DGKI: variants seen among roughly 807,000 people sequenced by gnomAD.
The protein encoded by DGKI is diacylglycerol kinase iota.
Under a neutral mutation model 147.5 loss-of-function variants are expected in DGKI, and 55 were observed. That is an observed-to-expected ratio of 0.37 (90% CI 0.30 to 0.47). The LOEUF is 0.47. DGKI is among the 20% of genes least tolerant of loss of function. The pLI is 1.00. For synonymous variants in DGKI, 469 were observed against 477.1 expected, an observed-to-expected ratio of 0.98 and a Z score of 0.22; for missense variants, 1,007 against 1,323.8, an observed-to-expected ratio of 0.76 and a Z score of 3.71.
At chr7:137,547,763 G>A (rs1355954799) in intron 20 of DGKI, among the ~76,000 whole-genome samples, 1 of 152,124 alleles carries the variant, frequency 6.6e-6, no homozygotes. Context: ...TTTAGTAAGT[G>A]GTGTAATGGA....
At chr7:137,483,146 G>A (rs573740764) in intron 23 of DGKI, among the ~76,000 whole-genome samples, 35 of 152,054 alleles carry the variant, frequency 2.3e-4, no homozygotes, top group African/African-American at 3.6e-4. Context: ...TTATCCATCC[G>A]TTGATCTCCA....
At position 137,782,441 on chromosome 7, in the gene DGKI, G is replaced by A. The variant is rs200961510; in HGVS notation, c.401+64021C>T. On this transcript the variant is annotated intron_variant, in intron 1 of 32. Coordinates refer to ENST00000614521, the MANE Select transcript of DGKI (RefSeq NM_001321708.2). Reference sequence around the variant, plus strand: ...CCCCATCCCCCACAGCAGCCACAGGGAGCCCTGCCCAAGGAGAGGCTGAGC... The same window carrying A: ...CCCCATCCCCCACAGCAGCCACAGGAAGCCCTGCCCAAGGAGAGGCTGAGC... 5.3e-5 allele frequency among the ~76,000 whole-genome samples: 8 copies of A among 152,220 alleles called. No homozygotes were observed. The East Asian group carries it at 1.5e-3, about 29-fold the overall frequency.
intron 1 of DGKI, among the ~76,000 whole-genome samples, chr7:137,761,098 T>G (rs1795843998): frequency 6.6e-6 from 1 of 152,192 alleles, no homozygotes; most frequent in Admixed American, 6.5e-5. Flanking sequence ...AACTCACCTT[T>G]TTGGAAAGTC....
chr7:137,480,979 C>G (rs1815352049), intron 23 of DGKI, among the ~76,000 whole-genome samples: 2 of 152,128 alleles, frequency 1.3e-5, no homozygotes, highest in South Asian at 4.1e-4. Context: ...TTCCTCTTCT[C>G]TCTTTCTCCT....
Position 137,381,307 on chromosome 7 carries a change from C to G in DGKI, c.*9913G>C, listed in dbSNP as rs1425308248. ...CATCCCACCCCCCCCCCCCCACCCACCCTCCCTCCACTTCGTATTATCTGA... is the reference window on the plus strand; with the variant it reads ...CATCCCACCCCCCCCCCCCCACCCAGCCTCCCTCCACTTCGTATTATCTGA... On this transcript the variant is annotated 3_prime_UTR_variant, in exon 33 of 33. Transcript: ENST00000614521. The G allele has an allele frequency of 1.7e-5, 2 of 120,740 alleles. No homozygotes were observed. The highest frequency in any genetic ancestry group is 3.4e-5 in the Non-Finnish European group (2 of 58,436). The allele number at this position is 120,740 out of a possible 1,614,324, so 7.5% of individuals were successfully genotyped here. A position where few individuals can be genotyped will look rare whatever the true frequency, so the allele number is the denominator to read the frequency against.
At chr7:137,795,620 G>A (rs1043477392) in intron 1 of DGKI, among the ~76,000 whole-genome samples, 60 of 152,164 alleles carry the variant, frequency 3.9e-4, no homozygotes, top group African/African-American at 1.3e-3. Context: ...GGGAGCTTTG[G>A]AAAGTTCTGA....
chr7:137,840,474 T>G (rs1275400970), intron 1 of DGKI, among the ~76,000 whole-genome samples: 2 of 152,224 alleles, frequency 1.3e-5, no homozygotes, highest in East Asian at 3.8e-4. Flanking sequence ...AAATCAATGC[T>G]GCCCCTTGGA....
intron 19 of DGKI, among the ~76,000 whole-genome samples, chr7:137,553,530 T>C (rs1450249933): frequency 6.6e-6 from 1 of 150,794 alleles, no homozygotes; most frequent in East Asian, 1.9e-4. Context: ...GCAACACATT[T>C]GTATAACCTC....
intron 10 of DGKI, among the ~76,000 whole-genome samples, chr7:137,606,473 C>T (rs973307557): frequency 1.3e-5 from 2 of 152,040 alleles, no homozygotes; most frequent in Non-Finnish European, 2.9e-5. Context: ...CACAGTAAGC[C>T]CCTGCTAACC....
At chr7:137,597,813 T>A (rs73152505) in intron 12 of DGKI, 34 bp downstream of exon 12, 58 of 1,599,320 alleles carry the variant, frequency 3.6e-5, no homozygotes, top group Non-Finnish European at 5.0e-5. Flanking sequence ...AAGATAGAAT[T>A]GGCAGAGAAC....
intron 9 of DGKI, 25 bp from the exon 10 acceptor site, chr7:137,609,089 A>G: frequency 6.3e-7 from 1 of 1,587,906 alleles, no homozygotes; most frequent in Non-Finnish European, 8.6e-7. Flanking sequence ...CAGCACTGTT[A>G]GGATACACAT....
At chr7:137,515,666 C>G (rs1286876119) in intron 21 of DGKI, among the ~76,000 whole-genome samples, 2 of 151,978 alleles carry the variant, frequency 1.3e-5, no homozygotes, top group Non-Finnish European at 2.9e-5. Flanking sequence ...AAAATGTCAG[C>G]CCCTTAGACT....
chr7:137,386,660 T>G lies in DGKI; in HGVS notation c.*4560A>C, dbSNP rs1811185187. 1 of 151,980 alleles carries G rather than the reference T, an allele frequency of 6.6e-6. No homozygotes were observed. The highest frequency in any genetic ancestry group is 6.6e-5 in the Admixed American group (1 of 15,226). The allele number at this position is 151,980 out of a possible 1,614,324, so 9.4% of individuals were successfully genotyped here. On this transcript the variant is annotated 3_prime_UTR_variant, in exon 33 of 33. Coordinates refer to ENST00000614521, the MANE Select transcript of DGKI (RefSeq NM_001321708.2). ...CAGGACTGCCGCTATGGCCCAAAAC[T>G]TAGAGAGACAAGAGATAATGGATGA...
chr7:137,570,732 C>T (rs1473552906), intron 19 of DGKI, among the ~76,000 whole-genome samples: 1 of 151,974 alleles, frequency 6.6e-6, no homozygotes, highest in Non-Finnish European at 1.5e-5. Flanking sequence ...GCTGGAATTA[C>T]AGGCAGCACA....
At chr7:137,554,914 CTTTTTTTTTTT>C (rs757320303) in intron 19 of DGKI, among the ~76,000 whole-genome samples, 12 of 107,428 alleles carry the variant, frequency 1.1e-4, no homozygotes, top group Non-Finnish European at 1.6e-4. Context: ...AAACTATTTT[CTTTTTTTTTTT>C]TTTTTTTTTT....
intron 21 of DGKI, among the ~76,000 whole-genome samples, chr7:137,495,114 A>G (rs1815914274): frequency 6.6e-6 from 1 of 152,148 alleles, no homozygotes; most frequent in South Asian, 2.1e-4. Flanking sequence ...CAGAAGTGAC[A>G]CTTCTGACCC....
At chr7:137,656,584 C>G (rs749051001) in intron 3 of DGKI, 44 bp from the exon 4 acceptor site, 16 of 1,593,250 alleles carry the variant, frequency 1.0e-5, no homozygotes, top group Non-Finnish European at 1.1e-5. Flanking sequence ...TGTTAACAGT[C>G]TGTTCTGAAG....
At chr7:137,706,477 C>CTTATTTTATTTTATTTTATT (rs147205940) in intron 1 of DGKI, among the ~76,000 whole-genome samples, 24 of 147,494 alleles carry the variant, frequency 1.6e-4, no homozygotes, top group African/African-American at 4.7e-4. Context: ...CCAAAACATC[C>CTTATTTTATTTTATTTTATT]TTATTTTATT....
intron 1 of DGKI, among the ~76,000 whole-genome samples, chr7:137,765,149 C>T (rs886399602): frequency 1.8e-4 from 28 of 152,312 alleles, no homozygotes; most frequent in African/African-American, 6.5e-4. Context: ...GAGTTCAATA[C>T]ATTAACGTTC....
Sources: allele counts gnomAD v4.1 joint callset (sites outside exome capture counted in the v4.1 genomes callset), GRCh38; gene constraint gnomAD v4.1.1; transcripts MANE v1.5; gene names NCBI Gene and HGNC (gene_info 2026-07-23, HGNC 2026-07-21).